The following CSMD1 variants were observed in gnomAD, a reference collection of about 807,000 sequenced individuals.
CSMD1 encodes the protein CUB and sushi domain-containing protein 1.
Under a neutral mutation model 417.5 loss-of-function variants are expected in CSMD1, and 213 were observed. The observed-to-expected ratio is 0.51, with a 90% CI of 0.46 to 0.57. CSMD1 has a LOEUF of 0.57. Among genes scored for constraint, CSMD1 ranks in the 20% least tolerant of loss-of-function variants. The pLI is 0.00. For synonymous variants in CSMD1, 2,862 were observed against 1,736.8 expected (o/e 1.65, Z -16.11); for missense variants, 6,923 against 4,529.7 (o/e 1.53, Z -15.17).
chr8:4,348,949 C>G (rs957797808), intron 3 of CSMD1, among the ~76,000 whole-genome samples: 2 of 152,132 alleles, frequency 1.3e-5, no homozygotes, highest in Non-Finnish European at 2.9e-5. Context: ...ACAGTGCCCT[C>G]AGAATACTCT....
At chr8:4,095,665 G>C (rs1002473899) in intron 3 of CSMD1, among the ~76,000 whole-genome samples, 4 of 152,122 alleles carry the variant, frequency 2.6e-5, no homozygotes, top group Admixed American at 6.5e-5. Flanking sequence ...AACAACTGAG[G>C]GTTCTTGTAA....
chr8:4,559,561 G>C lies in CSMD1; in HGVS notation c.302+77781C>G, dbSNP rs73661534. ...ACTGATATTCACTTTTGTTGTGTGTGTAAGTCATCCATAGGAACTTACATA... is the reference window on the plus strand; with the variant it reads ...ACTGATATTCACTTTTGTTGTGTGTCTAAGTCATCCATAGGAACTTACATA... On this transcript the variant is annotated intron_variant, in intron 2 of 69. Transcript: ENST00000635120. 9.5e-4 allele frequency among the ~76,000 whole-genome samples: 144 copies of C among 152,282 alleles called. 1 individual carries two copies. The highest frequency in any genetic ancestry group is 3.3e-3 in the African/African-American group (138 of 41,560).
At chr8:3,017,278 G>T (rs897489490) in intron 52 of CSMD1, among the ~76,000 whole-genome samples, 1 of 152,162 alleles carries the variant, frequency 6.6e-6, no homozygotes, top group South Asian at 2.1e-4. Flanking sequence ...TATCAAAGCT[G>T]CCTAAAGGAG....
chr8:3,475,121 C>G (rs1817331314), intron 11 of CSMD1, among the ~76,000 whole-genome samples: 1 of 152,130 alleles, frequency 6.6e-6, no homozygotes. Flanking sequence ...ACTCTTCCTG[C>G]TAAGCTAAGA....
chr8:4,684,832 G>C (rs866665545), intron 1 of CSMD1, among the ~76,000 whole-genome samples: 2 of 152,148 alleles, frequency 1.3e-5, no homozygotes, highest in South Asian at 2.1e-4. Context: ...GCTTATTCAT[G>C]TTAAAGAATA....
chr8:4,262,138 A>T (rs1003161290), intron 3 of CSMD1, among the ~76,000 whole-genome samples: 15 of 152,084 alleles, frequency 9.9e-5, no homozygotes, highest in Non-Finnish European at 1.3e-4. Flanking sequence ...TTAGAGTTCT[A>T]ATTCTGCTAT....
chr8:4,713,168 G>A (rs1563198889), intron 1 of CSMD1, among the ~76,000 whole-genome samples: 2 of 152,118 alleles, frequency 1.3e-5, no homozygotes, highest in Non-Finnish European at 2.9e-5. Flanking sequence ...TTCCCCGGGT[G>A]GGGAAACACA....
At chr8:4,743,843 G>T (rs1002461546) in intron 1 of CSMD1, among the ~76,000 whole-genome samples, 1 of 152,102 alleles carries the variant, frequency 6.6e-6, no homozygotes, top group Non-Finnish European at 1.5e-5. Context: ...AGCTTCTTGC[G>T]GTCCACTTTT....
At chr8:3,866,066 T>C (rs1375401133) in intron 5 of CSMD1, among the ~76,000 whole-genome samples, 1 of 152,180 alleles carries the variant, frequency 6.6e-6, no homozygotes, top group Non-Finnish European at 1.5e-5. Flanking sequence ...TAAAATGTCT[T>C]TAAAAATTCT....
chr8:4,908,490 G>C (rs1697801425), intron 1 of CSMD1, among the ~76,000 whole-genome samples: 2 of 151,938 alleles, frequency 1.3e-5, no homozygotes, highest in African/African-American at 4.8e-5. Context: ...ATTTTACGGT[G>C]TACCTTTTGA....
chr8:3,657,178 G>C (rs1375730253), intron 7 of CSMD1, among the ~76,000 whole-genome samples: 1 of 152,138 alleles, frequency 6.6e-6, no homozygotes, highest in Non-Finnish European at 1.5e-5. Context: ...CATCCTACAG[G>C]AAGATGCTGC....
intron 1 of CSMD1, among the ~76,000 whole-genome samples, chr8:4,747,697 T>TA (rs1811045286): frequency 6.6e-6 from 1 of 152,168 alleles, no homozygotes; most frequent in Admixed American, 6.5e-5. Context: ...CTTTTCCACC[T>TA]ACCATCATCC....
intron 31 of CSMD1, among the ~76,000 whole-genome samples, chr8:3,202,669 C>T (rs970197061): frequency 6.6e-6 from 1 of 152,146 alleles, no homozygotes; most frequent in African/African-American, 2.4e-5. Flanking sequence ...GAGGTGTGTG[C>T]ACTAGTTGTG....
chr8:4,353,842 G>A (rs536895758), intron 3 of CSMD1, among the ~76,000 whole-genome samples: 43 of 152,216 alleles, frequency 2.8e-4, no homozygotes, highest in South Asian at 4.2e-4. Context: ...TCAGTGACCC[G>A]CACTTAATTA....
intron 10 of CSMD1, among the ~76,000 whole-genome samples, chr8:3,495,230 T>C (rs543768495): frequency 6.6e-6 from 1 of 152,228 alleles, no homozygotes; most frequent in Non-Finnish European, 1.5e-5. Context: ...TGAACCAATT[T>C]ATAAGTGACC....
At chr8:4,534,500 A>G (rs1797000991) in intron 2 of CSMD1, among the ~76,000 whole-genome samples, 2 of 152,278 alleles carry the variant, frequency 1.3e-5, no homozygotes, top group East Asian at 3.9e-4. Context: ...ACAGCGGGGT[A>G]CAGGTGTAGG....
chr8:4,186,095 T>G (rs552725487), intron 3 of CSMD1, among the ~76,000 whole-genome samples: 2 of 152,246 alleles, frequency 1.3e-5, no homozygotes, highest in East Asian at 3.9e-4. Flanking sequence ...GGAGGCACCC[T>G]CTTTGATTGG....
intron 12 of CSMD1, among the ~76,000 whole-genome samples, chr8:3,448,872 G>T (rs942127427): frequency 1.3e-5 from 2 of 152,180 alleles, no homozygotes; most frequent in Non-Finnish European, 2.9e-5. Context: ...GAAAACTTAC[G>T]CAGGCATAAT....
chr8:3,465,080 C>G lies in CSMD1; in HGVS notation c.1561+3632G>C, dbSNP rs59887774. Among the ~76,000 whole-genome samples, 312 of 152,166 alleles carry G rather than the reference C, an allele frequency of 2.1e-3. 4 individuals carry two copies. Among genetic ancestry groups the G allele is most frequent in the African/African-American group, 7.2e-3 (299 of 41,520 alleles). ...ACACATACTGTATAACATACACATGCCAACTGAAGTCTAGCAAGAGCGTTT... is the reference window on the plus strand; with the variant it reads ...ACACATACTGTATAACATACACATGGCAACTGAAGTCTAGCAAGAGCGTTT... On this transcript the variant is annotated intron_variant, in intron 12 of 69. Transcript: ENST00000635120.
Sources: gnomAD v4.1 joint callset for allele counts (sites outside exome capture counted in the v4.1 genomes callset) on GRCh38, gnomAD v4.1.1 for gene constraint, MANE v1.5 for transcripts, NCBI Gene and HGNC (gene_info 2026-07-23, HGNC 2026-07-21) for gene names.